Variants in APBB2 observed in about 807,000 individuals in gnomAD.
The protein encoded by APBB2 is Fe65-like 1.
In APBB2, 38 loss-of-function variants were observed where a neutral mutation model predicts 82.5. The ratio of observed to expected loss-of-function variants is 0.46; its 90% CI spans 0.36 to 0.60. The LOEUF is 0.60. APBB2 is among the 20% of genes least tolerant of loss of function. The pLI is 0.00. For synonymous variants in APBB2, 341 were observed against 368.2 expected (o/e 0.93, Z 0.85); for missense variants, 772 against 972.3 (o/e 0.79, Z 2.74).
chr4:40,863,164 T>C (rs1408939250), intron 12 of APBB2, among the ~76,000 whole-genome samples: 6 of 152,222 alleles, frequency 3.9e-5, no homozygotes, highest in Non-Finnish European at 5.9e-5. Flanking sequence ...TGTTTTTGTA[T>C]CTTTTGTGCC....
Position 41,196,599 on chromosome 4 carries a change from C to CTT in APBB2, c.-417+17804_-417+17805dup. Among the ~76,000 whole-genome samples, 811 of 100,190 alleles carry CTT rather than the reference C, an allele frequency of 8.1e-3. 8 individuals are homozygous for CTT. Among genetic ancestry groups the CTT allele is most frequent in the African/African-American group, 0.013 (299 of 23,340 alleles). The allele number at this position is 100,190 out of a possible 152,430, so 65.7% of individuals were successfully genotyped here. A position where few individuals can be genotyped will look rare whatever the true frequency, so the allele number is the denominator to read the frequency against. On this transcript the variant is annotated intron_variant, in intron 1 of 17. Coordinates refer to ENST00000508593, the MANE Select transcript of APBB2 (RefSeq NM_004307.2). ...TCCTGTCGTTGAGAAAAGCCCCCTGCTTTTTTTTTTTTTTTTTTTTTTTGC... is the reference window on the plus strand; with the variant it reads ...TCCTGTCGTTGAGAAAAGCCCCCTGCTTTTTTTTTTTTTTTTTTTTTTTTTGC...
chr4:41,115,353 T>C (rs1017675096), intron 2 of APBB2, among the ~76,000 whole-genome samples: 2 of 152,158 alleles, frequency 1.3e-5, no homozygotes, highest in Admixed American at 1.3e-4. Flanking sequence ...AACGTAGATC[T>C]AAAATCATAA....
intron 6 of APBB2, among the ~76,000 whole-genome samples, chr4:40,966,307 G>A (rs1294423802): frequency 6.6e-6 from 1 of 152,212 alleles, no homozygotes; most frequent in Non-Finnish European, 1.5e-5. Context: ...CAAGATCCTT[G>A]CATTTTCGTC....
chr4:40,939,670 C>G (rs1249793870), intron 7 of APBB2, among the ~76,000 whole-genome samples: 1 of 152,176 alleles, frequency 6.6e-6, no homozygotes, highest in Non-Finnish European at 1.5e-5. Flanking sequence ...CATGATCTCA[C>G]TGCAACCTCC....
intron 10 of APBB2, among the ~76,000 whole-genome samples, chr4:40,901,155 G>T (rs1167863736): frequency 2.0e-5 from 3 of 152,188 alleles, no homozygotes; most frequent in Non-Finnish European, 4.4e-5. Flanking sequence ...CTCAATCTTG[G>T]TGAGCCTCAG....
At chr4:40,905,941 TGAA>T (rs1776584710) in intron 10 of APBB2, among the ~76,000 whole-genome samples, 1 of 152,080 alleles carries the variant, frequency 6.6e-6, no homozygotes, top group Admixed American at 6.6e-5. Flanking sequence ...ATGAGTTTGA[TGAA>T]GGTCAGTGGT....
Position 40,815,034 on chromosome 4 carries a change from C to A in APBB2, c.*1058G>T, listed in dbSNP as rs1296806903. 4 of 152,432 alleles carry A rather than the reference C, an allele frequency of 2.6e-5. No individual in the cohort carries two copies. Among genetic ancestry groups the A allele is most frequent in the Non-Finnish European group, 4.4e-5 (3 of 68,030 alleles). The allele number at this position is 152,432 out of a possible 1,614,324, so 9.4% of individuals were successfully genotyped here. A position where few individuals can be genotyped will look rare whatever the true frequency, so the allele number is the denominator to read the frequency against. On this transcript the variant is annotated 3_prime_UTR_variant, in exon 18 of 18. Coordinates refer to ENST00000508593, the MANE Select transcript of APBB2 (RefSeq NM_004307.2). Reference sequence around the variant, plus strand: ...AGACAGCTTTCTGGGCAAAAAGCATCAGAGGGGGATAGAGCTGGATGCAGA... The same window carrying A: ...AGACAGCTTTCTGGGCAAAAAGCATAAGAGGGGGATAGAGCTGGATGCAGA...
intron 12 of APBB2, among the ~76,000 whole-genome samples, chr4:40,866,465 T>A (rs1200725408): frequency 6.6e-6 from 1 of 152,092 alleles, no homozygotes; most frequent in Non-Finnish European, 1.5e-5. Flanking sequence ...ATTTTCACCC[T>A]CAACTGTTCT....
intron 1 of APBB2, among the ~76,000 whole-genome samples, chr4:41,198,143 A>T: frequency 6.6e-6 from 1 of 152,218 alleles, no homozygotes; most frequent in Admixed American, 6.5e-5. Context: ...AAACCCAAGC[A>T]GTCTGGCTCC....
Position 40,832,013 on chromosome 4 carries a change from T to TATACACACACACACAC in APBB2, c.1530-1437_1530-1436insGTGTGTGTGTGTGTAT, listed in dbSNP as rs777910826. Among the ~76,000 whole-genome samples, 8,284 of 138,770 alleles carry TATACACACACACACAC rather than the reference T, an allele frequency of 0.06. 380 individuals carry two copies. The highest frequency in any genetic ancestry group is 0.086 in the Non-Finnish European group (5,560 of 64,350). The allele number at this position is 138,770 out of a possible 152,430, so 91.0% of individuals were successfully genotyped here. On this transcript the variant is annotated intron_variant, in intron 12 of 17. Coordinates refer to ENST00000508593, the MANE Select transcript of APBB2 (RefSeq NM_004307.2). The surrounding 1 kb of genome is among the most constrained non-coding windows in gnomAD (Gnocchi z 4.8). ...ACACATATTTATATATTTATTTATA[T>TATACACACACACACAC]ACACACACACACACACACACACACA...
At chr4:40,933,518 A>C (rs1160422017) in intron 10 of APBB2, among the ~76,000 whole-genome samples, 1 of 152,158 alleles carries the variant, frequency 6.6e-6, no homozygotes, top group Non-Finnish European at 1.5e-5. Context: ...AACACACAGC[A>C]GTGTTGCCAG....
intron 4 of APBB2, among the ~76,000 whole-genome samples, chr4:41,058,901 A>C (rs1445037462): frequency 1.3e-5 from 2 of 152,158 alleles, no homozygotes; most frequent in African/African-American, 4.8e-5. Context: ...CTAAGAAAAA[A>C]ATCAAAATCA....
intron 10 of APBB2, among the ~76,000 whole-genome samples, chr4:40,922,565 G>T (rs1009097356): frequency 6.6e-6 from 1 of 152,190 alleles, no homozygotes; most frequent in Non-Finnish European, 1.5e-5. Context: ...TCCTATAAGT[G>T]ACAAAGTATT....
chr4:41,082,980 T>C (rs1417546162), intron 3 of APBB2, among the ~76,000 whole-genome samples: 3 of 151,876 alleles, frequency 2.0e-5, no homozygotes, highest in African/African-American at 4.8e-5. Context: ...CTAGCTAACA[T>C]GGTGAAACCC....
At chr4:41,073,261 T>C (rs1003546715) in intron 3 of APBB2, among the ~76,000 whole-genome samples, 5 of 152,202 alleles carry the variant, frequency 3.3e-5, no homozygotes, top group African/African-American at 4.8e-5. Flanking sequence ...AAAAAAAACC[T>C]AGAATGTAAA....
chr4:41,197,048 T>C, intron 1 of APBB2, among the ~76,000 whole-genome samples: 1 of 152,168 alleles, frequency 6.6e-6, no homozygotes, highest in African/African-American at 2.4e-5. Context: ...TTTAAATTGA[T>C]CACTTAAAGA....
chr4:40,903,389 C>G (rs1329150279), intron 10 of APBB2, among the ~76,000 whole-genome samples: 1 of 152,190 alleles, frequency 6.6e-6, no homozygotes, highest in Non-Finnish European at 1.5e-5. Context: ...CTTGCTTGAA[C>G]TCAGGAGGCA....
At chr4:41,179,568 A>C (rs1460609437) in intron 1 of APBB2, among the ~76,000 whole-genome samples, 1 of 152,216 alleles carries the variant, frequency 6.6e-6, no homozygotes, top group African/African-American at 2.4e-5. Flanking sequence ...AGATTTGGGA[A>C]TCTCACGCTT....
At chr4:40,944,793 A>G in intron 7 of APBB2, 72 bp downstream of exon 7, 1 of 1,491,330 alleles carries the variant, frequency 6.7e-7, no homozygotes, top group Non-Finnish European at 9.3e-7. Flanking sequence ...TTGGGGCAGA[A>G]GCAACCAGTG....
Sources: allele counts gnomAD v4.1 joint callset (sites outside exome capture counted in the v4.1 genomes callset), GRCh38; gene constraint gnomAD v4.1.1; non-coding constraint Gnocchi (gnomAD v3.1); transcripts MANE v1.5; gene names NCBI Gene and HGNC (gene_info 2026-07-23, HGNC 2026-07-21).